The following TEX11 variants were observed in gnomAD, a reference collection of about 807,000 sequenced individuals.
TEX11 encodes testis-expressed protein 11.
TEX11 carries 7 observed loss-of-function variants against 84.4 expected under a neutral mutation model. The ratio of observed to expected loss-of-function variants is 0.08; its 90% CI spans 0.05 to 0.16. The LOEUF is 0.16. TEX11 is among the 10% of genes least tolerant of loss of function. The pLI, the probability that TEX11 is intolerant of heterozygous loss-of-function variation, is 1.00. For missense variants in TEX11, 551 were observed against 660.5 expected (o/e 0.83, Z 1.82); for synonymous variants, 264 against 222.8 (o/e 1.18, Z -1.64).
chrX:70,785,912 G>A (rs1298652698), intron 9 of TEX11, among the ~76,000 whole-genome samples: 4 of 111,954 alleles, frequency 3.6e-5, no homozygotes, highest in African/African-American at 6.5e-5. Flanking sequence ...ACAGTGTGGC[G>A]ATTCCTCAAG....
chrX:70,638,972 G>A (rs1209343894), intron 17 of TEX11, among the ~76,000 whole-genome samples: 3 of 109,981 alleles, frequency 2.7e-5, no homozygotes, highest in South Asian at 3.9e-4. Context: ...CGCAGAAGAC[G>A]GGTGATTTCT....
intron 9 of TEX11, among the ~76,000 whole-genome samples, chrX:70,776,566 A>G (rs926304458): frequency 4.0e-5 from 4 of 98,816 alleles, no homozygotes; most frequent in African/African-American, 1.5e-4. Context: ...CCTGTCTTGG[A>G]AAAAAAAAAA....
intron 18 of TEX11, among the ~76,000 whole-genome samples, 189 bp from the exon 19 acceptor site, chrX:70,625,113 G>T (rs1603159627): frequency 9.0e-6 from 1 of 111,005 alleles, no homozygotes; most frequent in Non-Finnish European, 1.9e-5. Flanking sequence ...ATTTGCATTA[G>T]CCCCGGAAAC....
chrX:70,644,431 C>G (rs1257912995), intron 17 of TEX11, among the ~76,000 whole-genome samples: 7 of 104,757 alleles, frequency 6.7e-5, no homozygotes, highest in Non-Finnish European at 1.2e-4. Flanking sequence ...GGTATATACC[C>G]AAAGGACTAT....
intron 25 of TEX11, among the ~76,000 whole-genome samples, chrX:70,559,843 C>T (rs767661418): frequency 3.6e-5 from 4 of 111,717 alleles, no homozygotes; most frequent in Non-Finnish European, 7.5e-5. Context: ...AAGAGATGTA[C>T]TCATTTCACC....
chrX:70,600,251 T>G (rs1419869200), intron 24 of TEX11, among the ~76,000 whole-genome samples: 1 of 112,003 alleles, frequency 8.9e-6, no homozygotes, highest in Non-Finnish European at 1.9e-5. Context: ...GGTTTTGATT[T>G]GCATTTCTCT....
intron 11 of TEX11, among the ~76,000 whole-genome samples, chrX:70,726,956 C>T (rs1311050778): frequency 9.0e-6 from 1 of 110,941 alleles, no homozygotes; most frequent in East Asian, 2.8e-4. Flanking sequence ...GTCTCAGCCT[C>T]CCAATGTGCT....
At chrX:70,730,603 C>T (rs1383432420) in intron 11 of TEX11, among the ~76,000 whole-genome samples, 2 of 111,997 alleles carry the variant, frequency 1.8e-5, no homozygotes, top group Non-Finnish European at 3.8e-5. Context: ...GAAGAGCTAA[C>T]TATCCTAAAT....
At chrX:70,876,992 T>C (rs2091658705) in intron 3 of TEX11, among the ~76,000 whole-genome samples, 1 of 111,683 alleles carries the variant, frequency 9.0e-6, no homozygotes. Flanking sequence ...TAAGAGGTTA[T>C]GATCTAAAAA....
At chrX:70,880,983 G>A (rs2091679288) in intron 2 of TEX11, among the ~76,000 whole-genome samples, 1 of 95,337 alleles carries the variant, frequency 1.0e-5, no homozygotes, top group Non-Finnish European at 2.1e-5. Flanking sequence ...AAACAGGCTG[G>A]GCAACATAGC....
chrX:70,634,617 T>C (rs1165505234), intron 17 of TEX11, among the ~76,000 whole-genome samples: 1 of 110,232 alleles, frequency 9.1e-6, no homozygotes, highest in East Asian at 2.8e-4. Context: ...CACACATATA[T>C]GACAACTAAT....
At chrX:70,762,775 C>T (rs374839251) in intron 9 of TEX11, among the ~76,000 whole-genome samples, 205 of 111,594 alleles carry the variant, frequency 1.8e-3, no homozygotes, top group African/African-American at 6.5e-3. Context: ...TGGCTCATGC[C>T]TGTAATCCCA....
chrX:70,872,778 G>T (rs1410065575), intron 4 of TEX11, among the ~76,000 whole-genome samples: 1 of 111,789 alleles, frequency 8.9e-6, no homozygotes, highest in Non-Finnish European at 1.9e-5. Flanking sequence ...CATCTCCTGA[G>T]GAAACTATTC....
intron 17 of TEX11, among the ~76,000 whole-genome samples, chrX:70,648,480 C>T (rs2089773999): frequency 9.1e-6 from 1 of 109,414 alleles, no homozygotes; most frequent in South Asian, 3.8e-4. Context: ...TTTTTATTTG[C>T]CAATTAAAAA....
chrX:70,839,048 G>A (rs1171940564), intron 7 of TEX11, among the ~76,000 whole-genome samples: 1 of 112,815 alleles, frequency 8.9e-6, no homozygotes, highest in Non-Finnish European at 1.9e-5. Context: ...TGCCTCTGTA[G>A]GCTCCACCTC....
rs1291481530 is a variant in TEX11, at chrX:70,638,680, A to G, written c.1484-8945T>C. Among the ~76,000 whole-genome samples, 4 of 107,962 alleles carry G rather than the reference A, an allele frequency of 3.7e-5. No homozygotes were observed. In the East Asian group the frequency reaches 1.2e-3, roughly 32 times the overall value. The allele number at this position is 107,962 out of a possible 115,157, so 93.8% of individuals were successfully genotyped here. On this transcript the variant is annotated intron_variant, in intron 17 of 29. Transcript: ENST00000374333. ...TCTGGGCATGGTGGCATGTGCCTGT[A>G]GTCCCAGCTACTTAGGAGGCTGAAG...
intron 13 of TEX11, among the ~76,000 whole-genome samples, chrX:70,719,180 T>C (rs1208700999): frequency 8.9e-6 from 1 of 112,159 alleles, no homozygotes; most frequent in African/African-American, 3.2e-5. Context: ...ATTGTTATTA[T>C]ATACACGTTT....
chrX:70,674,305 G>A (rs920934228), intron 15 of TEX11, among the ~76,000 whole-genome samples: 2 of 111,811 alleles, frequency 1.8e-5, no homozygotes, highest in African/African-American at 6.5e-5. Flanking sequence ...TGTCATTGAT[G>A]GGCATTTAGG....
chrX:70,752,982 G>T (rs1027244172), intron 9 of TEX11, among the ~76,000 whole-genome samples: 2 of 110,299 alleles, frequency 1.8e-5, no homozygotes, highest in Non-Finnish European at 3.8e-5. Context: ...AATCTCAGCT[G>T]ACGCCTGCCC....
Sources: allele counts gnomAD v4.1 joint callset (sites outside exome capture counted in the v4.1 genomes callset), GRCh38; gene constraint gnomAD v4.1.1; transcripts MANE v1.5; gene names NCBI Gene and HGNC (gene_info 2026-07-23, HGNC 2026-07-21).